Variants in PRUNE2 observed in about 807,000 individuals in gnomAD.
PRUNE2 encodes the protein protein prune homolog 2.
Under a neutral mutation model 252.0 loss-of-function variants are expected in PRUNE2, and 164 were observed. That is an observed-to-expected ratio of 0.65 (90% CI 0.57 to 0.74). PRUNE2 has a LOEUF of 0.74. Ranked by LOEUF, PRUNE2 falls within the 30% of genes least tolerant of loss-of-function variation. The probability of loss-of-function intolerance (pLI) is 0.00; values close to 1 mark genes in which losing one functional copy is unlikely to be tolerated. For missense variants in PRUNE2, 3,495 were observed against 3,711.0 expected, an observed-to-expected ratio of 0.94 and a Z score of 1.51; for synonymous variants, 1,292 against 1,350.2, an observed-to-expected ratio of 0.96 and a Z score of 0.94.
chr9:76,736,083 G>A (rs2049045883), intron 6 of PRUNE2, among the ~76,000 whole-genome samples: 1 of 152,008 alleles, frequency 6.6e-6, no homozygotes, highest in Non-Finnish European at 1.5e-5. Context: ...TACCAAATTT[G>A]CATAGCTGAT....
intron 6 of PRUNE2, among the ~76,000 whole-genome samples, chr9:76,808,052 C>A (rs1401849240): frequency 6.6e-6 from 1 of 152,200 alleles, no homozygotes; most frequent in South Asian, 2.1e-4. Context: ...GCGGCAGGTG[C>A]CTGTAATCCC....
chr9:76,701,843 T>C (rs2045912548), intron 9 of PRUNE2, among the ~76,000 whole-genome samples: 1 of 152,148 alleles, frequency 6.6e-6, no homozygotes, highest in Non-Finnish European at 1.5e-5. Context: ...CCACACAAAT[T>C]AAGTTCCCAG....
At chr9:76,700,808 C>T (rs1201915594) in intron 9 of PRUNE2, among the ~76,000 whole-genome samples, 1 of 152,128 alleles carries the variant, frequency 6.6e-6, no homozygotes, top group Non-Finnish European at 1.5e-5. Context: ...AAACAGATAT[C>T]TCTCCTCTTA....
chr9:76,841,800 AG>A (rs2059406579), intron 4 of PRUNE2, among the ~76,000 whole-genome samples: 1 of 152,156 alleles, frequency 6.6e-6, no homozygotes, highest in Non-Finnish European at 1.5e-5. Flanking sequence ...AACCCCAGTC[AG>A]GGGCTTATAG....
At chr9:76,835,033 G>A (rs1417117228) in intron 4 of PRUNE2, among the ~76,000 whole-genome samples, 8 of 152,136 alleles carry the variant, frequency 5.3e-5, no homozygotes, top group Non-Finnish European at 4.4e-5. Context: ...CAGGGTAGAG[G>A]GAAGGAGCGA....
At chr9:76,826,369 G>A (rs2058345318) in intron 5 of PRUNE2, among the ~76,000 whole-genome samples, 1 of 152,126 alleles carries the variant, frequency 6.6e-6, no homozygotes, top group Non-Finnish European at 1.5e-5. Flanking sequence ...CAGCTACTTG[G>A]GAGACAGGCA....
At chr9:76,786,615 T>C (rs1046607078) in intron 6 of PRUNE2, 4 of 152,266 alleles carry the variant, frequency 2.6e-5, no homozygotes, top group African/African-American at 9.6e-5. Flanking sequence ...CTCTGTTGCT[T>C]TGGACTTCCC....
chr9:76,849,553 T>C (rs532680862), intron 3 of PRUNE2, among the ~76,000 whole-genome samples: 17 of 152,248 alleles, frequency 1.1e-4, no homozygotes, highest in Non-Finnish European at 2.1e-4. Flanking sequence ...AGGCCAGGTG[T>C]GATGGCTCAC....
At chr9:76,791,910 G>T (rs1207088460) in intron 6 of PRUNE2, among the ~76,000 whole-genome samples, 1 of 152,162 alleles carries the variant, frequency 6.6e-6, no homozygotes, top group Non-Finnish European at 1.5e-5. Flanking sequence ...ATGCTGGTAG[G>T]ACCTGAGAAA....
chr9:76,691,138 C>T (rs1009404904), intron 9 of PRUNE2, among the ~76,000 whole-genome samples: 5 of 152,188 alleles, frequency 3.3e-5, no homozygotes, highest in East Asian at 1.9e-4. Context: ...ACAGGAGGGG[C>T]GCAGGGCAGC....
intron 6 of PRUNE2, among the ~76,000 whole-genome samples, chr9:76,731,325 T>TATATA (rs1491241762): frequency 2.9e-3 from 249 of 84,898 alleles, no homozygotes; most frequent in African/African-American, 0.012. Context: ...TATATATATA[T>TATATA]TTTTTTTTTT....
At chr9:76,746,803 G>A (rs942563809) in intron 6 of PRUNE2, among the ~76,000 whole-genome samples, 12 of 151,280 alleles carry the variant, frequency 7.9e-5, no homozygotes, top group South Asian at 4.2e-4. Flanking sequence ...TCCTGGTGAC[G>A]TTGCATGGGT....
chr9:76,647,157 C>A (rs1028576972), intron 11 of PRUNE2, among the ~76,000 whole-genome samples: 2 of 152,192 alleles, frequency 1.3e-5, no homozygotes, highest in African/African-American at 4.8e-5. Flanking sequence ...GTCTGGGTGA[C>A]AGAGTGAGAC....
At chr9:76,817,892 C>T (rs1220080143) in intron 6 of PRUNE2, 3 of 152,082 alleles carry the variant, frequency 2.0e-5, no homozygotes, top group Non-Finnish European at 4.4e-5. Context: ...AGTTTACAGA[C>T]CTGAACCCAG....
rs367745600 is a variant in PRUNE2 at position 76,636,972 on chromosome 9, A to AGTGTGTGTGTGTGT, written c.8964-416_8964-415insACACACACACACAC. Among the ~76,000 whole-genome samples, 247 of 131,548 alleles carry AGTGTGTGTGTGTGT rather than the reference A, an allele frequency of 1.9e-3. 2 individuals are homozygous for AGTGTGTGTGTGTGT. Among genetic ancestry groups the AGTGTGTGTGTGTGT allele is most frequent in the Middle Eastern group, 7.5e-3 (2 of 266 alleles). The allele number at this position is 131,548 out of a possible 152,430, so 86.3% of individuals were successfully genotyped here. ...CTCCAACAACAACGACAACAACAAA[A>AGTGTGTGTGTGTGT]ATGTGTGTGTGTGTGTGTGTGTGTG... On this transcript the variant is annotated intron_variant, in intron 14 of 18. Transcript: ENST00000376718.
chr9:76,741,324 CAT>C, intron 6 of PRUNE2, among the ~76,000 whole-genome samples: 1 of 152,274 alleles, frequency 6.6e-6, no homozygotes, highest in Non-Finnish European at 1.5e-5. Flanking sequence ...AACCCAAAGA[CAT>C]GTGTCATGGA....
At chr9:76,730,711 C>A (rs1038488927) in intron 6 of PRUNE2, among the ~76,000 whole-genome samples, 2 of 152,124 alleles carry the variant, frequency 1.3e-5, no homozygotes, top group African/African-American at 4.8e-5. Flanking sequence ...ACCAGCCTGA[C>A]CAATATGGTG....
At chr9:76,796,419 T>A (rs1284504671) in intron 6 of PRUNE2, among the ~76,000 whole-genome samples, 1 of 152,056 alleles carries the variant, frequency 6.6e-6, no homozygotes, top group East Asian at 1.9e-4. Context: ...ACATGCGTGG[T>A]GAGAAAGCAG....
intron 1 of PRUNE2, among the ~76,000 whole-genome samples, chr9:76,855,549 C>G (rs1269784287): frequency 6.6e-6 from 1 of 152,098 alleles, no homozygotes; most frequent in Admixed American, 6.6e-5. Flanking sequence ...CTGCTGGTAT[C>G]AGAGTCAAAC....
Sources: allele counts gnomAD v4.1 joint callset (sites outside exome capture counted in the v4.1 genomes callset), GRCh38; gene constraint gnomAD v4.1.1; transcripts MANE v1.5; gene names NCBI Gene and HGNC (gene_info 2026-07-23, HGNC 2026-07-21).